Variants in TBC1D14 observed in about 807,000 individuals in gnomAD.
TBC1D14 encodes the protein TBC1 domain family member 14, also known as TBC1 domain family, member 14.
Under a neutral mutation model 79.0 loss-of-function variants are expected in TBC1D14, and 26 were observed. That is an observed-to-expected ratio of 0.33 (90% CI 0.24 to 0.46). The LOEUF is 0.46. TBC1D14 is among the 20% of genes least tolerant of loss of function. The pLI, the probability that TBC1D14 is intolerant of heterozygous loss-of-function variation, is 1.00. For synonymous variants in TBC1D14, 394 were observed against 349.9 expected, an observed-to-expected ratio of 1.13 and a Z score of -1.40; for missense variants, 769 against 887.6, an observed-to-expected ratio of 0.87 and a Z score of 1.70.
At chr4:6,915,438 T>C (rs1290672835) in intron 1 of TBC1D14, among the ~76,000 whole-genome samples, 1 of 152,032 alleles carries the variant, frequency 6.6e-6, no homozygotes, top group Non-Finnish European at 1.5e-5. Context: ...GTTTACAGGG[T>C]GAGGTGAGCA....
intron 11 of TBC1D14, among the ~76,000 whole-genome samples, chr4:7,014,042 C>G (rs906168208): frequency 6.6e-6 from 1 of 152,240 alleles, no homozygotes; most frequent in Admixed American, 6.5e-5. Flanking sequence ...AGCCACCGCA[C>G]CCGGCCTCCA....
intron 2 of TBC1D14, among the ~76,000 whole-genome samples, chr4:6,958,842 CCT>C (rs1050054261): frequency 6.6e-6 from 1 of 152,148 alleles, no homozygotes; most frequent in African/African-American, 2.4e-5. Flanking sequence ...TGTCCGTACC[CCT>C]GTCTCATTGG....
intron 2 of TBC1D14, among the ~76,000 whole-genome samples, chr4:6,930,482 G>T (rs1158158566): frequency 6.6e-6 from 1 of 152,170 alleles, no homozygotes; most frequent in African/African-American, 2.4e-5. Flanking sequence ...TCGTAGGATG[G>T]TTCCCATTAT....
intron 1 of TBC1D14, among the ~76,000 whole-genome samples, chr4:6,921,452 C>T (rs1723852640): frequency 1.3e-5 from 2 of 152,308 alleles, no homozygotes. Context: ...AGCGATCCTC[C>T]TGCCTCTACC....
intron 6 of TBC1D14, among the ~76,000 whole-genome samples, chr4:6,999,985 A>G (rs908531859): frequency 3.3e-5 from 5 of 152,184 alleles, no homozygotes; most frequent in African/African-American, 7.2e-5. Flanking sequence ...GCACAGAGGC[A>G]TTCGGGGAGC....
chr4:6,910,369 C>T (rs1393025109), intron 1 of TBC1D14: 1 of 152,386 alleles, frequency 6.6e-6, no homozygotes, highest in African/African-American at 2.4e-5. Context: ...GCGGACCCTC[C>T]TCCTTGGAGC....
At chr4:6,951,125 C>G (rs1252928543) in intron 2 of TBC1D14, among the ~76,000 whole-genome samples, 2 of 152,040 alleles carry the variant, frequency 1.3e-5, no homozygotes, top group African/African-American at 4.8e-5. Context: ...CACCCTGTCT[C>G]TACTAAAAAT....
chr4:6,951,576 C>T (rs1464591390), intron 2 of TBC1D14, among the ~76,000 whole-genome samples: 1 of 152,180 alleles, frequency 6.6e-6, no homozygotes, highest in Admixed American at 6.5e-5. Flanking sequence ...CATGTACTCA[C>T]CTACACCCCC....
chr4:6,996,517 A>T, intron 5 of TBC1D14, 110 bp downstream of exon 5: 2 of 814,696 alleles, frequency 2.5e-6, no homozygotes, highest in Non-Finnish European at 3.9e-6. Context: ...TCAGTCTTTG[A>T]AATTTGTAGT....
At chr4:7,020,781 G>A (rs140218130) in intron 12 of TBC1D14, among the ~76,000 whole-genome samples, 2,162 of 152,194 alleles carry the variant, frequency 0.014, 64 homozygotes, top group African/African-American at 0.049. Flanking sequence ...GCTCGCTGCA[G>A]CCTCCGCCTC....
intron 1 of TBC1D14, among the ~76,000 whole-genome samples, chr4:6,919,808 A>G (rs1343078443): frequency 2.0e-5 from 3 of 151,010 alleles, no homozygotes; most frequent in South Asian, 4.2e-4. Context: ...TTTAGTAGAG[A>G]GGGGGTTTCA....
At chr4:6,954,913 C>T (rs908613413) in intron 2 of TBC1D14, among the ~76,000 whole-genome samples, 2 of 152,238 alleles carry the variant, frequency 1.3e-5, no homozygotes, top group Non-Finnish European at 2.9e-5. Context: ...CCTGGATTAA[C>T]TTTTTAGCAT....
intron 13 of TBC1D14, among the ~76,000 whole-genome samples, chr4:7,028,527 A>G (rs189673418): frequency 1.3e-5 from 2 of 151,978 alleles, no homozygotes; most frequent in African/African-American, 4.8e-5. Context: ...CCCGGGTTCA[A>G]GCGATTCTCT....
At chr4:6,951,770 T>G (rs1358356076) in intron 2 of TBC1D14, among the ~76,000 whole-genome samples, 2 of 152,258 alleles carry the variant, frequency 1.3e-5, no homozygotes, top group African/African-American at 4.8e-5. Context: ...GTGTATTTCT[T>G]CCTTAATGTT....
chr4:6,916,778 C>T (rs1723433792), intron 1 of TBC1D14, among the ~76,000 whole-genome samples: 1 of 152,216 alleles, frequency 6.6e-6, no homozygotes, highest in African/African-American at 2.4e-5. Context: ...TCTTGTCTTT[C>T]TCTTGGCCGG....
rs140819748 is a variant in TBC1D14 at position 7,028,152 on chromosome 4, C to T, written c.2017-2175C>T. 5.5e-3 allele frequency among the ~76,000 whole-genome samples: 831 copies of T among 152,024 alleles called. 4 individuals carry two copies. Among genetic ancestry groups the T allele is most frequent in the Non-Finnish European group, 6.8e-3 (459 of 67,976 alleles). On this transcript the variant is annotated intron_variant, in intron 13 of 13. Coordinates refer to ENST00000409757, the MANE Select transcript of TBC1D14 (RefSeq NM_020773.3). ...ACATCACACCCACACGTACACATTA[C>T]ACACCCACACACCTCACATGCACAT...
intron 3 of TBC1D14, among the ~76,000 whole-genome samples, chr4:6,990,102 G>C (rs1718334999): frequency 6.6e-6 from 1 of 152,180 alleles, no homozygotes; most frequent in Admixed American, 6.5e-5. Context: ...TAAAAATGCT[G>C]TTGTGACCAA....
chr4:6,944,721 C>T (rs1199171717), intron 2 of TBC1D14, among the ~76,000 whole-genome samples: 3 of 152,300 alleles, frequency 2.0e-5, no homozygotes, highest in South Asian at 2.1e-4. Context: ...TTACAGAATG[C>T]GGGGATGTCC....
Position 6,971,648 on chromosome 4 carries a change from C to T in TBC1D14, c.843+4224C>T, listed in dbSNP as rs537639724. On this transcript the variant is annotated intron_variant, in intron 3 of 13. Coordinates refer to ENST00000409757, the MANE Select transcript of TBC1D14 (RefSeq NM_020773.3). ...TAGGAGAATAACAGTACAACAGTGG[C>T]TGTCCAGTTGCGGTCCCCGGAGTAG... Among the ~76,000 whole-genome samples the T allele has an allele frequency of 2.0e-5, 3 of 152,302 alleles. No individual in the cohort carries two copies. The East Asian group carries it at 5.8e-4, about 29-fold the overall frequency.
Sources: allele counts gnomAD v4.1 joint callset (sites outside exome capture counted in the v4.1 genomes callset), GRCh38; gene constraint gnomAD v4.1.1; transcripts MANE v1.5; gene names NCBI Gene and HGNC (gene_info 2026-07-23, HGNC 2026-07-21).